Variants in PMF1 observed in about 807,000 individuals in gnomAD.
PMF1 encodes the protein polyamine modulated factor 1, also known as polyamine-modulated factor 1.
Under a neutral mutation model 26.7 loss-of-function variants are expected in PMF1, and 21 were observed. The observed-to-expected ratio is 0.79, with a 90% CI of 0.56 to 1.13. The LOEUF (loss-of-function observed/expected upper bound fraction) is 1.13. PMF1 is among the 50% of genes most tolerant of loss of function. PMF1 has a pLI of 0.00. For synonymous variants in PMF1, 105 were observed against 101.0 expected, an observed-to-expected ratio of 1.04 and a Z score of -0.24; for missense variants, 266 against 254.9, an observed-to-expected ratio of 1.04 and a Z score of -0.30.
chr1:156,216,614 CGGCCCG>C (rs956665191), intron 1 of PMF1, among the ~76,000 whole-genome samples: 1 of 151,814 alleles, frequency 6.6e-6, no homozygotes, highest in Non-Finnish European at 1.5e-5. Context: ...CTCCCGGTGC[CGGCCCG>C]GGTCCGGGTC....
At chr1:156,215,662 G>A (rs951764601) in intron 1 of PMF1, among the ~76,000 whole-genome samples, 24 of 152,034 alleles carry the variant, frequency 1.6e-4, no homozygotes, top group African/African-American at 5.8e-4. Context: ...AGAGTGCTAG[G>A]ATTACAGGCA....
At chr1:156,236,019 A>T (rs896810126) in intron 3 of PMF1, among the ~76,000 whole-genome samples, 4 of 152,108 alleles carry the variant, frequency 2.6e-5, no homozygotes, top group African/African-American at 9.6e-5. Context: ...AAGGAGGGGA[A>T]TGTGGGGTAT....
At chr1:156,222,890 G>T (rs1645121149) in intron 1 of PMF1, among the ~76,000 whole-genome samples, 1 of 152,232 alleles carries the variant, frequency 6.6e-6, no homozygotes, top group African/African-American at 2.4e-5. Flanking sequence ...GCCGCACAGG[G>T]TAAGATGTGT....
intron 1 of PMF1, among the ~76,000 whole-genome samples, chr1:156,214,206 G>T (rs894532094): frequency 6.6e-6 from 1 of 152,118 alleles, no homozygotes; most frequent in African/African-American, 2.4e-5. Flanking sequence ...GAGCCACCGC[G>T]CCCGGCCTTC....
At chr1:156,223,071 C>T (rs552775327) in intron 1 of PMF1, among the ~76,000 whole-genome samples, 1 of 152,290 alleles carries the variant, frequency 6.6e-6, no homozygotes, top group African/African-American at 2.4e-5. Flanking sequence ...AAATATCTCA[C>T]CCTCTTTGAA....
At chr1:156,225,480 C>A in intron 1 of PMF1, 3 of 794,018 alleles carry the variant, frequency 3.8e-6, no homozygotes, top group Non-Finnish European at 6.3e-6. Flanking sequence ...TTGGCAAAGT[C>A]CATTGTACCA....
chr1:156,213,205 G>GT, intron 1 of PMF1, 29 bp downstream of exon 1: 1 of 1,605,580 alleles, frequency 6.2e-7, no homozygotes, highest in East Asian at 2.2e-5. Context: ...CGGTGGGAGT[G>GT]TTTGTTGGCA....
intron 1 of PMF1, among the ~76,000 whole-genome samples, chr1:156,215,843 C>T (rs1657665330): frequency 6.6e-6 from 1 of 152,128 alleles, no homozygotes; most frequent in Non-Finnish European, 1.5e-5. Context: ...CATGCACCAC[C>T]ATGCCCAGCT....
At chr1:156,235,402 G>C in intron 3 of PMF1, among the ~76,000 whole-genome samples, 1 of 150,690 alleles carries the variant, frequency 6.6e-6, no homozygotes, top group African/African-American at 2.4e-5. Context: ...GAGATTACAG[G>C]CATGAGCCAC....
At chr1:156,222,583 T>C (rs1331831592) in intron 1 of PMF1, among the ~76,000 whole-genome samples, 4 of 152,146 alleles carry the variant, frequency 2.6e-5, no homozygotes, top group Non-Finnish European at 4.4e-5. Context: ...GGTTTCTCCA[T>C]GTTGATCAGG....
chr1:156,214,636 GGGAGGCTGAGGCA>G (rs1253033436), intron 1 of PMF1, among the ~76,000 whole-genome samples: 1 of 151,962 alleles, frequency 6.6e-6, no homozygotes, highest in Non-Finnish European at 1.5e-5. Context: ...CCCGTGCTTT[GGGAGGCTGAGGCA>G]GGAGGATCAT....
At chr1:156,226,189 G>A (rs1658363118) in intron 1 of PMF1, among the ~76,000 whole-genome samples, 1 of 151,234 alleles carries the variant, frequency 6.6e-6, no homozygotes, top group Non-Finnish European at 1.5e-5. Flanking sequence ...ATTTTTTTGT[G>A]AAGACAGGGT....
intron 1 of PMF1, among the ~76,000 whole-genome samples, chr1:156,231,866 G>A (rs757949557): frequency 9.8e-5 from 15 of 152,292 alleles, no homozygotes; most frequent in Admixed American, 1.3e-4. Context: ...GTAATGTCCT[G>A]CCGAGAGAGC....
intron 1 of PMF1, among the ~76,000 whole-genome samples, chr1:156,220,176 G>C (rs1224082890): frequency 3.9e-5 from 6 of 152,014 alleles, no homozygotes; most frequent in Admixed American, 3.9e-4. Context: ...GTGTTAGCCA[G>C]TATGGTCTCG....
chr1:156,226,875 A>G (rs574640669), intron 1 of PMF1, among the ~76,000 whole-genome samples: 31 of 152,300 alleles, frequency 2.0e-4, no homozygotes, highest in African/African-American at 7.5e-4. Context: ...GTGACCTCTT[A>G]TGTACCCTTG....
Position 156,236,487 on chromosome 1 carries a change from A to C in PMF1, c.564+4A>C. On this transcript the variant is annotated splice_donor_region_variant and intron_variant, in intron 4 of 4. Transcript: ENST00000368277. The stretch of plus-strand genomic sequence containing the variant: ...GGCCCAGCAGCAGGCCTGGCAGGTC[A>C]GTGTCCCAGCCTGCCTCTTCCTCTT... 6.2e-7 allele frequency: 1 copy of C among 1,603,626 alleles called. No homozygotes were observed. Among genetic ancestry groups the C allele is most frequent in the Non-Finnish European group, 8.5e-7 (1 of 1,174,762 alleles).
At chr1:156,238,621 G>T (rs1242573754) in intron 4 of PMF1, among the ~76,000 whole-genome samples, 1 of 152,168 alleles carries the variant, frequency 6.6e-6, no homozygotes, top group African/African-American at 2.4e-5. Flanking sequence ...CCCCCTTCCT[G>T]GGGCAAACAC....
chr1:156,238,996 T>G (rs1232691507), intron 4 of PMF1, among the ~76,000 whole-genome samples: 8 of 151,540 alleles, frequency 5.3e-5, no homozygotes, highest in Admixed American at 2.6e-4. Context: ...CTATCGCCAC[T>G]CAGTCACCAT....
At chr1:156,228,288 T>TTTTTTTTTG (rs1371074585) in intron 1 of PMF1, among the ~76,000 whole-genome samples, 2 of 143,792 alleles carry the variant, frequency 1.4e-5, no homozygotes, top group Non-Finnish European at 3.0e-5. Context: ...TTTTTTTTTT[T>TTTTTTTTTG]AGTGTATCAC....
Sources: allele counts gnomAD v4.1 joint callset (sites outside exome capture counted in the v4.1 genomes callset), GRCh38; gene constraint gnomAD v4.1.1; transcripts MANE v1.5; gene names NCBI Gene and HGNC (gene_info 2026-07-23, HGNC 2026-07-21).